OOSP3: variants seen among roughly 807,000 people sequenced by gnomAD.
OOSP3 encodes oocyte-secreted protein 3.
chr11:59,884,394 G>A (rs540341062), intron 2 of OOSP3, among the ~76,000 whole-genome samples: 1 of 136,656 alleles, frequency 7.3e-6, no homozygotes, highest in African/African-American at 2.7e-5. Flanking sequence ...AGTTGTAATA[G>A]TTTTTTTTTT....
At chr11:59,882,131 A>T (rs1242062269) in intron 2 of OOSP3, among the ~76,000 whole-genome samples, 1 of 152,266 alleles carries the variant, frequency 6.6e-6, no homozygotes, top group African/African-American at 2.4e-5. Context: ...AGAATTAATA[A>T]GCCAACTTTT....
intron 2 of OOSP3, among the ~76,000 whole-genome samples, chr11:59,891,749 C>A (rs898116918): frequency 1.6e-4 from 25 of 152,344 alleles, no homozygotes; most frequent in African/African-American, 5.5e-4. Flanking sequence ...AATCAGGGAC[C>A]TGCTTAAGGA....
At chr11:59,892,227 G>A (rs1853318526) in intron 2 of OOSP3, among the ~76,000 whole-genome samples, 1 of 152,010 alleles carries the variant, frequency 6.6e-6, no homozygotes. Context: ...GTAGCTCTCC[G>A]GATGGGTAGC....
At chr11:59,895,695 A>G in intron 4 of OOSP3, 43 bp downstream of exon 4, 3 of 398,278 alleles carry the variant, frequency 7.5e-6, no homozygotes, top group East Asian at 3.6e-5. Context: ...GTGTCCATGT[A>G]GAAATGATCG....
intron 2 of OOSP3, among the ~76,000 whole-genome samples, chr11:59,888,624 G>A (rs989288572): frequency 6.6e-6 from 1 of 152,156 alleles, no homozygotes; most frequent in African/African-American, 2.4e-5. Flanking sequence ...TGTTGAACCA[G>A]CCTTGCATCC....
At chr11:59,884,825 ATAGTTT>A (rs1853237844) in intron 2 of OOSP3, among the ~76,000 whole-genome samples, 1 of 152,046 alleles carries the variant, frequency 6.6e-6, no homozygotes. Flanking sequence ...TTAAATAGAG[ATAGTTT>A]TAATTTTCCT....
intron 2 of OOSP3, among the ~76,000 whole-genome samples, chr11:59,881,583 A>G (rs1383939129): frequency 2.0e-5 from 3 of 152,168 alleles, no homozygotes; most frequent in Non-Finnish European, 4.4e-5. Flanking sequence ...AGAAAAGTGG[A>G]CTCTGCATTC....
At chr11:59,894,212 C>T (rs1332599883) in intron 3 of OOSP3, 36 bp downstream of exon 3, 7 of 398,262 alleles carry the variant, frequency 1.8e-5, no homozygotes, top group Admixed American at 4.4e-5. Context: ...ACAGTTTACC[C>T]TCTAAGAACT....
intron 2 of OOSP3, among the ~76,000 whole-genome samples, chr11:59,883,040 G>A (rs1283668285): frequency 6.6e-6 from 1 of 152,052 alleles, no homozygotes; most frequent in African/African-American, 2.4e-5. Context: ...GTAAACATTT[G>A]TTTTCAATTG....
intron 2 of OOSP3, among the ~76,000 whole-genome samples, chr11:59,889,648 G>A (rs1321574327): frequency 6.6e-6 from 1 of 152,138 alleles, no homozygotes; most frequent in Non-Finnish European, 1.5e-5. Flanking sequence ...TGATTATGCT[G>A]TGGTCTGAGA....
At chr11:59,880,410 C>G (rs1002127507) in exon 2 of OOSP3, 1 of 398,438 alleles carries the variant, frequency 2.5e-6, no homozygotes, top group Non-Finnish European at 4.4e-6. Context: ...GTTTAATTAC[C>G]CTGCCACTCA....
exon 4 of OOSP3, chr11:59,895,531 T>C (rs998853419): frequency 1.3e-5 from 5 of 398,290 alleles, no homozygotes; most frequent in Non-Finnish European, 2.2e-5. Context: ...TCAAGCACTA[T>C]CCATAACAAT....
chr11:59,890,575 T>C (rs527366630), intron 2 of OOSP3, among the ~76,000 whole-genome samples: 1 of 152,318 alleles, frequency 6.6e-6, no homozygotes, highest in South Asian at 2.1e-4. Context: ...GGATGGAAAT[T>C]CTTGTCTTTA....
At chr11:59,879,004 G>A (rs565353985) in intron 1 of OOSP3, 123 bp downstream of exon 1, 206 of 396,454 alleles carry the variant, frequency 5.2e-4, no homozygotes, top group African/African-American at 3.9e-3. Flanking sequence ...TTCTGTAGTG[G>A]TATTGCTTTC....
intron 2 of OOSP3, among the ~76,000 whole-genome samples, chr11:59,885,295 G>T (rs1853243886): frequency 6.6e-6 from 1 of 151,956 alleles, no homozygotes; most frequent in Non-Finnish European, 1.5e-5. Flanking sequence ...TTGTTGGGGG[G>T]GCGCGTGGTT....
In OOSP3 at chr11:59,879,411, A is replaced by G. The variant is rs915864364; in HGVS notation, c.73+530A>G. The stretch of plus-strand genomic sequence containing the variant: ...ATTCCACTTACTTTTTCCATATTTT[A>G]CAGTAATCTTTTCTCATCTAAACTA... On this transcript the variant is annotated intron_variant, in intron 1 of 4. Coordinates refer to ENST00000646438, the Ensembl canonical transcript of OOSP3. Among the ~76,000 whole-genome samples, 6 of 152,114 alleles carry G rather than the reference A, an allele frequency of 3.9e-5. No homozygotes were observed. In the East Asian group the frequency reaches 1.2e-3, roughly 29 times the overall value.
At chr11:59,884,179 A>G (rs537489547) in intron 2 of OOSP3, among the ~76,000 whole-genome samples, 1 of 152,352 alleles carries the variant, frequency 6.6e-6, no homozygotes, top group South Asian at 2.1e-4. Context: ...TTAAACAAAT[A>G]TATGTGCACA....
At chr11:59,891,122 A>G (rs1056995238) in intron 2 of OOSP3, among the ~76,000 whole-genome samples, 4 of 152,200 alleles carry the variant, frequency 2.6e-5, no homozygotes, top group Non-Finnish European at 4.4e-5. Context: ...TTTCAGCTCC[A>G]TCAGGTCATT....
chr11:59,880,920 G>GA (rs931025872), intron 2 of OOSP3, among the ~76,000 whole-genome samples: 1 of 152,022 alleles, frequency 6.6e-6, no homozygotes, highest in Non-Finnish European at 1.5e-5. Flanking sequence ...GAAGTCAGAG[G>GA]AAAAAAACAT....
Sources: gnomAD v4.1 joint callset for allele counts (sites outside exome capture counted in the v4.1 genomes callset) on GRCh38, gnomAD v4.1.1 for gene constraint, MANE v1.5 for transcripts, NCBI Gene and HGNC (gene_info 2026-07-23, HGNC 2026-07-21) for gene names.